The following RHD variants were observed in gnomAD, a reference collection of about 807,000 sequenced individuals.
RHD encodes the protein Rh blood group D antigen.
Under a neutral mutation model 45.5 loss-of-function variants are expected in RHD, and 16 were observed. That is an observed-to-expected ratio of 0.35 (90% CI 0.24 to 0.53). The LOEUF is 0.53. RHD is among the 20% of genes least tolerant of loss of function. RHD has a pLI of 0.92. For missense variants in RHD, 306 were observed against 532.0 expected, an observed-to-expected ratio of 0.58 and a Z score of 4.18; for synonymous variants, 131 against 217.5, an observed-to-expected ratio of 0.60 and a Z score of 3.50.
rs150073306 is a variant in RHD at position 25,301,618 on chromosome 1, G to C, written c.733G>C (p.Val245Leu). ...KNAVFNTYYA[V>L]AVSVVTAISG... is the part of the protein sequence containing the mutation. ...TGCCGTGTTCAACACCTACTATGCTGTAGCAGTCAGCGTGGTGACAGCCAT... is the reference window on the plus strand; with the variant it reads ...TGCCGTGTTCAACACCTACTATGCTCTAGCAGTCAGCGTGGTGACAGCCAT... Residue 245 changes from valine (V) to leucine (L), a missense_variant, in exon 5 of 10, where the codon GTA (valine) becomes CTA (leucine). Transcript: ENST00000328664. 1,480 of 1,380,076 alleles carry C rather than the reference G, an allele frequency of 1.1e-3. 410 individuals are homozygous for C. The highest frequency in any genetic ancestry group is 1.4e-3 in the Non-Finnish European group (1,355 of 979,192). 85.5% of individuals were successfully genotyped at this position (1,380,076 alleles called of 1,614,324 possible).
At position 25,275,028 on chromosome 1, in the gene RHD, C is replaced by T. The variant is rs534532874; in HGVS notation, c.148+2333C>T. On this transcript the variant is annotated intron_variant, in intron 1 of 9. Coordinates refer to ENST00000328664, the MANE Select transcript of RHD (RefSeq NM_016124.6). ...CAGGGACTGGGTGTGGTGACTCATG[C>T]CTGTAATCCCAAACACTTTGGGAGA... Among the ~76,000 whole-genome samples, 17 of 129,602 alleles carry T rather than the reference C, an allele frequency of 1.3e-4. 4 individuals carry two copies. Among genetic ancestry groups the T allele is most frequent in the Non-Finnish European group, 2.6e-4 (14 of 54,860 alleles). 85.0% of individuals were successfully genotyped at this position (129,602 alleles called of 152,430 possible). A position where few individuals can be genotyped will look rare whatever the true frequency, so the allele number is the denominator to read the frequency against.
At chr1:25,321,365 A>T (rs1363173658) in intron 8 of RHD, among the ~76,000 whole-genome samples, 2 of 124,998 alleles carry the variant, frequency 1.6e-5, no homozygotes, top group Non-Finnish European at 3.8e-5. Flanking sequence ...AAAAAAAAAA[A>T]TGTCTACAGA....
chr1:25,307,759 T>A (rs557755316), intron 7 of RHD: 3 of 1,306,454 alleles, frequency 2.3e-6, no homozygotes, highest in Middle Eastern at 1.8e-4. Flanking sequence ...TACCGGTTCT[T>A]GGATGCCTTC....
At position 25,317,964 on chromosome 1, in the gene RHD, C is replaced by T. The variant is rs1447141881; in HGVS notation, c.1153+885C>T. On this transcript the variant is annotated intron_variant, in intron 8 of 9. Transcript: ENST00000328664. ...GGGGAAAAGTATGTTTCTGTTCTTG[C>T]AATAAAATAGAACAGCAAAAAATCT... is the stretch of plus-strand genomic sequence containing the variant. 7.7e-5 allele frequency: 10 copies of T among 129,414 alleles called. 3 individuals carry two copies. Among genetic ancestry groups the T allele is most frequent in the African/African-American group, 2.6e-4 (10 of 37,744 alleles). The allele number at this position is 129,414 out of a possible 1,614,324, so 8.0% of individuals were successfully genotyped here.
chr1:25,286,832 G>A lies in RHD; in HGVS notation c.335+2073G>A, dbSNP rs1347292438. ...TTTTAGGCCAGGCGCGGTGGTTCAT[G>A]CCTGTAATCCTAGTACTTTAGGAGG... On this transcript the variant is annotated intron_variant, in intron 2 of 9. Transcript: ENST00000328664. Among the ~76,000 whole-genome samples the A allele has an allele frequency of 3.0e-5, 4 of 133,856 alleles. 1 individual carries two copies. Among genetic ancestry groups the A allele is most frequent in the African/African-American group, 1.0e-4 (4 of 38,592 alleles). 87.8% of individuals were successfully genotyped at this position (133,856 alleles called of 152,430 possible).
chr1:25,312,943 A>AAAAAAAAAAAAAC (rs1397269705), intron 7 of RHD, among the ~76,000 whole-genome samples: 3 of 110,336 alleles, frequency 2.7e-5, no homozygotes, highest in East Asian at 2.0e-4. Context: ...AAAAAAAAAA[A>AAAAAAAAAAAAAC]AAAAAAAAAA....
rs189371258 is a variant in RHD at position 25,320,512 on chromosome 1, C to A, written c.1154-1377C>A. ...CGTCATGCTGGTTGTACCCTGCATG[C>A]CAATATCAGCTAAAAGCAGCACCAC... On this transcript the variant is annotated intron_variant, in intron 8 of 9. Coordinates refer to ENST00000328664, the MANE Select transcript of RHD (RefSeq NM_016124.6). Among the ~76,000 whole-genome samples, 612 of 132,138 alleles carry A rather than the reference C, an allele frequency of 4.6e-3. 84 individuals are homozygous for A. Among genetic ancestry groups the A allele is most frequent in the African/African-American group, 0.014 (545 of 38,970 alleles). 86.7% of individuals were successfully genotyped at this position (132,138 alleles called of 152,430 possible). A position where few individuals can be genotyped will look rare whatever the true frequency, so the allele number is the denominator to read the frequency against.
intron 5 of RHD, among the ~76,000 whole-genome samples, chr1:25,302,424 C>G (rs1231473912): frequency 7.8e-6 from 1 of 128,704 alleles, no homozygotes; most frequent in African/African-American, 2.7e-5. Flanking sequence ...AATGTGGCCA[C>G]AGATGACAGC....
In RHD at chr1:25,287,674, T is replaced by C. The variant is rs1254035544; in HGVS notation, c.335+2915T>C. The stretch of plus-strand genomic sequence containing the variant: ...TACTGATAACTTAGCAAATGGCTAT[T>C]GGAGCAAAAATGAAAATAAACGGAA... On this transcript the variant is annotated intron_variant, in intron 2 of 9. Coordinates refer to ENST00000328664, the MANE Select transcript of RHD (RefSeq NM_016124.6). 3.0e-5 allele frequency among the ~76,000 whole-genome samples: 4 copies of C among 135,586 alleles called. 1 individual carries two copies. The highest frequency in any genetic ancestry group is 7.6e-5 in the African/African-American group (3 of 39,372). The allele number at this position is 135,586 out of a possible 152,430, so 88.9% of individuals were successfully genotyped here.
rs1419209418 is a variant in RHD, at chr1:25,289,488, C to T, written c.336-1153C>T. ...GGGAGTACAGGCATGAGCCACTGCA[C>T]CCAGCCTTATAGGGTTAAAATTTAA... On this transcript the variant is annotated intron_variant, in intron 2 of 9. Transcript: ENST00000328664. Among the ~76,000 whole-genome samples, 3 of 132,628 alleles carry T rather than the reference C, an allele frequency of 2.3e-5. 1 individual carries two copies. The highest frequency in any genetic ancestry group is 5.4e-5 in the Non-Finnish European group (3 of 55,952). 87.0% of individuals were successfully genotyped at this position (132,628 alleles called of 152,430 possible).
chr1:25,309,563 GA>G (rs1263582622), intron 7 of RHD, among the ~76,000 whole-genome samples: 1 of 131,394 alleles, frequency 7.6e-6, no homozygotes, highest in Non-Finnish European at 1.8e-5. Flanking sequence ...TCTATTTGGA[GA>G]AAAAAAATTT....
intron 2 of RHD, among the ~76,000 whole-genome samples, chr1:25,289,135 A>C (rs568612574): frequency 7.6e-6 from 1 of 131,872 alleles, no homozygotes; most frequent in Admixed American, 7.4e-5. Flanking sequence ...TTAATCCTCT[A>C]CGTGACCCTC....
rs1362359973 is a variant in RHD at position 25,273,382 on chromosome 1, G to A, written c.148+687G>A. Among the ~76,000 whole-genome samples, 15 of 99,944 alleles carry A rather than the reference G, an allele frequency of 1.5e-4. 4 individuals are homozygous for A. Among genetic ancestry groups the A allele is most frequent in the Non-Finnish European group, 3.4e-4 (14 of 41,748 alleles). The allele number at this position is 99,944 out of a possible 152,430, so 65.6% of individuals were successfully genotyped here. On this transcript the variant is annotated intron_variant, in intron 1 of 9. Coordinates refer to ENST00000328664, the MANE Select transcript of RHD (RefSeq NM_016124.6). ...TGGTCTCAAACTCCTGGACACAAGC[G>A]ATCCTCCAGCCTCAGTCTCCCAAAG...
At chr1:25,277,684 C>CTT (rs1394488076) in intron 1 of RHD, among the ~76,000 whole-genome samples, 5 of 126,110 alleles carry the variant, frequency 4.0e-5, no homozygotes, top group Admixed American at 1.5e-4. Context: ...TTATCAAAAG[C>CTT]TTTTTTTTTG....
At position 25,295,674 on chromosome 1, in the gene RHD, G is replaced by A. The variant is rs1642872622; in HGVS notation, c.486+4883G>A. Among the ~76,000 whole-genome samples the A allele has an allele frequency of 1.9e-5, 2 of 106,652 alleles. 1 individual carries two copies. Among genetic ancestry groups the A allele is most frequent in the South Asian group, 5.5e-4 (2 of 3,650 alleles). 70.0% of individuals were successfully genotyped at this position (106,652 alleles called of 152,430 possible). A position where few individuals can be genotyped will look rare whatever the true frequency, so the allele number is the denominator to read the frequency against. ...AGTTGGGTGGACTAAGATCATTTGT[G>A]GAAGAATGATGGAGAGAAAGGCTGA... On this transcript the variant is annotated intron_variant, in intron 3 of 9. Transcript: ENST00000328664.
chr1:25,312,957 T>TAAAAAAAAAAAAAAAAA (rs1491188755), intron 7 of RHD, among the ~76,000 whole-genome samples: 1 of 24,412 alleles, frequency 4.1e-5, no homozygotes, highest in African/African-American at 8.0e-5. Context: ...AAAAAAAAAC[T>TAAAAAAAAAAAAAAAAA]TTAGTGCTAT....
intron 1 of RHD, among the ~76,000 whole-genome samples, chr1:25,279,179 G>C (rs1393259459): frequency 8.0e-6 from 1 of 125,288 alleles, no homozygotes; most frequent in East Asian, 2.0e-4. Flanking sequence ...CAACAGGCCT[G>C]GGGGAGAGCA....
chr1:25,320,049 C>T (rs1289088133), intron 8 of RHD, among the ~76,000 whole-genome samples: 1 of 131,494 alleles, frequency 7.6e-6, no homozygotes, highest in Admixed American at 7.4e-5. Flanking sequence ...CAGGCATGCA[C>T]CACCACACCC....
At chr1:25,292,397 A>G (rs1165469664) in intron 3 of RHD, among the ~76,000 whole-genome samples, 1 of 132,626 alleles carries the variant, frequency 7.5e-6, no homozygotes. Context: ...CCAGACTCAG[A>G]CTAGGACAAT....
Sources: allele counts gnomAD v4.1 joint callset (sites outside exome capture counted in the v4.1 genomes callset), GRCh38; gene constraint gnomAD v4.1.1; transcripts MANE v1.5; gene names NCBI Gene and HGNC (gene_info 2026-07-23, HGNC 2026-07-21).